TMEM164: variants seen among roughly 807,000 people sequenced by gnomAD.
The protein encoded by TMEM164 is transmembrane protein 164.
A neutral mutation model predicts 18.8 loss-of-function variants in TMEM164; 4 were observed. That is an observed-to-expected ratio of 0.21 (90% CI 0.10 to 0.49). TMEM164 has a LOEUF of 0.49. TMEM164 is among the 20% of genes least tolerant of loss of function. TMEM164 has a pLI of 0.98. For missense variants in TMEM164, 108 were observed against 239.9 expected (o/e 0.45, Z 3.63); for synonymous variants, 86 against 101.7 (o/e 0.85, Z 0.93).
Position 110,176,360 on chromosome X carries a change from A to G in TMEM164, c.*2909A>G. 2 of 756,657 alleles carry G rather than the reference A, an allele frequency of 2.6e-6. No individual in the cohort carries two copies. The highest frequency in any genetic ancestry group is 1.3e-4 in the South Asian group (2 of 14,889). The allele number at this position is 756,657 out of a possible 1,213,427, so 62.4% of individuals were successfully genotyped here. On this transcript the variant is annotated 3_prime_UTR_variant, in exon 7 of 7. Transcript: ENST00000372068. ...AGATGATCTGGCCCATCTTCCTCCCAGAGGCACAACAGTAACATGTTCCTC... is the reference window on the plus strand; with the variant it reads ...AGATGATCTGGCCCATCTTCCTCCCGGAGGCACAACAGTAACATGTTCCTC...
chrX:110,107,629 C>T (rs1200246514), intron 3 of TMEM164, among the ~76,000 whole-genome samples: 1 of 109,334 alleles, frequency 9.1e-6, no homozygotes, highest in Non-Finnish European at 1.9e-5. Flanking sequence ...TCTCCCTTCC[C>T]TTCTTCCCTT....
intron 4 of TMEM164, among the ~76,000 whole-genome samples, chrX:110,136,893 T>C (rs1048935821): frequency 9.0e-6 from 1 of 111,547 alleles, no homozygotes; most frequent in Non-Finnish European, 1.9e-5. Flanking sequence ...TTTCTCAATA[T>C]TGATACCACC....
chrX:110,141,553 G>A (rs1264157232), intron 4 of TMEM164, among the ~76,000 whole-genome samples: 1 of 111,685 alleles, frequency 9.0e-6, no homozygotes, highest in Non-Finnish European at 1.9e-5. Flanking sequence ...CAGATCTCAT[G>A]AGACTTATTC....
At chrX:110,151,205 T>C (rs1423160812) in intron 5 of TMEM164, among the ~76,000 whole-genome samples, 6 of 112,487 alleles carry the variant, frequency 5.3e-5, no homozygotes, top group Non-Finnish European at 3.8e-5. Context: ...ACTGGTACCT[T>C]TGCCATTTTG....
At position 110,173,207 on chromosome X, in the gene TMEM164, G is replaced by C. The variant is rs754931802; in HGVS notation, c.688-38G>C. On this transcript the variant is annotated intron_variant, in intron 6 of 6. Transcript: ENST00000372068. ...TGGCAGAAGCCAGAGAAAGCCTAAG[G>C]ATGGTGAACGCTCACTCTACCTCCC... 3.4e-6 allele frequency: 4 copies of C among 1,188,667 alleles called. No individual in the cohort carries two copies. The East Asian group carries it at 1.2e-4, about 35-fold the overall frequency.
intron 3 of TMEM164, among the ~76,000 whole-genome samples, chrX:110,067,858 A>G (rs1013142238): frequency 1.8e-5 from 2 of 112,611 alleles, no homozygotes; most frequent in African/African-American, 6.5e-5. Flanking sequence ...GTCCACTATT[A>G]CAAGTTCAGA....
chrX:110,032,507 G>A (rs1267482114), intron 2 of TMEM164, among the ~76,000 whole-genome samples: 4 of 110,766 alleles, frequency 3.6e-5, no homozygotes, highest in African/African-American at 9.9e-5. Flanking sequence ...TATATACCAC[G>A]TGAAAAGCAT....
At chrX:110,164,914 A>C (rs1019845448) in intron 5 of TMEM164, among the ~76,000 whole-genome samples, 1 of 112,510 alleles carries the variant, frequency 8.9e-6, no homozygotes, top group Non-Finnish European at 1.9e-5. Context: ...GGGTAACAAC[A>C]AAAGGGTGAA....
At chrX:110,131,917 G>A (rs1265010942) in intron 4 of TMEM164, among the ~76,000 whole-genome samples, 1 of 111,815 alleles carries the variant, frequency 8.9e-6, no homozygotes, top group South Asian at 3.7e-4. Context: ...TGAATTTGGA[G>A]CTCCCTGAGT....
At chrX:110,111,398 G>C (rs1332321356) in intron 4 of TMEM164, among the ~76,000 whole-genome samples, 1 of 112,708 alleles carries the variant, frequency 8.9e-6, no homozygotes, top group African/African-American at 3.2e-5. Context: ...TGCTAGGGCA[G>C]AAAAGTAGAT....
At chrX:110,152,051 C>CTTTTTTTTTTTTTTT (rs2066947388) in intron 5 of TMEM164, among the ~76,000 whole-genome samples, 1 of 88,680 alleles carries the variant, frequency 1.1e-5, no homozygotes, top group African/African-American at 4.9e-5. Context: ...TTTTTCTTTT[C>CTTTTTTTTTTTTTTT]TTTTCTTTTT....
chrX:110,127,632 A>G (rs1411304852), intron 4 of TMEM164, among the ~76,000 whole-genome samples: 1 of 112,198 alleles, frequency 8.9e-6, no homozygotes, highest in Non-Finnish European at 1.9e-5. Flanking sequence ...AGATATACAG[A>G]CATGTTTTAA....
chrX:110,041,397 C>T (rs1268363185), intron 2 of TMEM164, among the ~76,000 whole-genome samples: 2 of 111,758 alleles, frequency 1.8e-5, no homozygotes, highest in African/African-American at 6.5e-5. Context: ...AACCACCATA[C>T]TGTGTGAAGG....
At chrX:110,070,283 T>G (rs2065568254) in intron 3 of TMEM164, among the ~76,000 whole-genome samples, 1 of 111,553 alleles carries the variant, frequency 9.0e-6, no homozygotes, top group Non-Finnish European at 1.9e-5. Context: ...GCCACTGCAC[T>G]GCAGCCTGGG....
At chrX:110,122,490 G>A (rs933456505) in intron 4 of TMEM164, among the ~76,000 whole-genome samples, 2 of 105,492 alleles carry the variant, frequency 1.9e-5, no homozygotes, top group African/African-American at 6.9e-5. Flanking sequence ...ACGAGTTAAT[G>A]GGTGCAGCAC....
chrX:110,108,457 C>A (rs2147974185), intron 3 of TMEM164, among the ~76,000 whole-genome samples: 1 of 111,075 alleles, frequency 9.0e-6, no homozygotes, highest in South Asian at 3.8e-4. Flanking sequence ...TGGTTTTCTT[C>A]TTCTTTTTTC....
intron 3 of TMEM164, among the ~76,000 whole-genome samples, chrX:110,072,819 AT>A (rs2065614837): frequency 9.8e-6 from 1 of 101,738 alleles, no homozygotes; most frequent in Non-Finnish European, 2.0e-5. Context: ...TCCTTTATTT[AT>A]TTTTTGTCTT....
chrX:110,088,128 T>C (rs949578842), intron 3 of TMEM164, among the ~76,000 whole-genome samples: 1 of 112,404 alleles, frequency 8.9e-6, no homozygotes, highest in African/African-American at 3.2e-5. Flanking sequence ...GATTTTTAAA[T>C]AGCATGACTT....
At chrX:110,084,530 A>G (rs2065823986) in intron 3 of TMEM164, among the ~76,000 whole-genome samples, 1 of 95,974 alleles carries the variant, frequency 1.0e-5, no homozygotes, top group African/African-American at 3.9e-5. Context: ...AATCCCAGCT[A>G]CTCGAGAGGC....
Sources: allele counts gnomAD v4.1 joint callset (sites outside exome capture counted in the v4.1 genomes callset), GRCh38; gene constraint gnomAD v4.1.1; transcripts MANE v1.5; gene names NCBI Gene and HGNC (gene_info 2026-07-23, HGNC 2026-07-21).